The following GALNT13 variants were observed in gnomAD, a reference collection of about 807,000 sequenced individuals.
GALNT13 encodes the protein UDP-GalNAc:polypeptide N-acetylgalactosaminyltransferase 13.
Under a neutral mutation model 64.2 loss-of-function variants are expected in GALNT13, and 28 were observed. That is an observed-to-expected ratio of 0.44 (90% CI 0.32 to 0.60). The LOEUF (loss-of-function observed/expected upper bound fraction) is 0.60. Ranked by LOEUF, GALNT13 falls within the 20% of genes least tolerant of loss-of-function variation. GALNT13 has a pLI of 0.05. For missense variants in GALNT13, 577 were observed against 669.8 expected (o/e 0.86, Z 1.53); for synonymous variants, 214 against 224.6 (o/e 0.95, Z 0.42).
At chr2:154,149,405 G>A (rs1379599461) in intron 4 of GALNT13, among the ~76,000 whole-genome samples, 4 of 151,790 alleles carry the variant, frequency 2.6e-5, no homozygotes, top group African/African-American at 7.3e-5. Flanking sequence ...TGACTTGGTG[G>A]TGCGGGCTCT....
chr2:153,588,088 T>A, the GALNT13 span, among the ~76,000 whole-genome samples: 1 of 152,216 alleles, frequency 6.6e-6, no homozygotes, highest in Admixed American at 6.5e-5. Flanking sequence ...AAGATGGTTC[T>A]CATGGTCTTG....
chr2:153,491,185 T>C, the GALNT13 span, among the ~76,000 whole-genome samples: 1 of 152,084 alleles, frequency 6.6e-6, no homozygotes, highest in East Asian at 1.9e-4. Context: ...ACAATAATTA[T>C]TCTTTAACTC....
intron 8 of GALNT13, among the ~76,000 whole-genome samples, chr2:154,275,907 G>A (rs1015146651): frequency 2.3e-4 from 35 of 152,228 alleles, no homozygotes; most frequent in African/African-American, 6.0e-4. Flanking sequence ...TCTTGTATCA[G>A]TGTGACCTGG....
chr2:153,199,425 A>C, the GALNT13 span, among the ~76,000 whole-genome samples: 1 of 152,184 alleles, frequency 6.6e-6, no homozygotes, highest in East Asian at 1.9e-4. Context: ...GGTTGAGGCC[A>C]CATTGAGGAT....
the GALNT13 span, among the ~76,000 whole-genome samples, chr2:153,532,410 A>C: frequency 2.0e-5 from 3 of 152,234 alleles, no homozygotes; most frequent in Non-Finnish European, 4.4e-5. Flanking sequence ...TGGGCCTGAC[A>C]CAAAAGATCA....
chr2:153,597,540 A>G, the GALNT13 span, among the ~76,000 whole-genome samples: 1 of 152,134 alleles, frequency 6.6e-6, no homozygotes, highest in African/African-American at 2.4e-5. Flanking sequence ...TTAGAAGGAA[A>G]CAGAGGAGTA....
chr2:154,024,043 A>G (rs1369315648), intron 3 of GALNT13, among the ~76,000 whole-genome samples: 2 of 152,160 alleles, frequency 1.3e-5, no homozygotes, highest in Admixed American at 6.5e-5. Flanking sequence ...TCTGGCTTGT[A>G]GAGTTTCTGC....
chr2:153,827,520 G>A, the GALNT13 span, among the ~76,000 whole-genome samples: 14 of 151,922 alleles, frequency 9.2e-5, no homozygotes, highest in Non-Finnish European at 1.6e-4. Flanking sequence ...AGCTACTTGG[G>A]AGGCTGAGCG....
chr2:153,636,740 A>G, the GALNT13 span, among the ~76,000 whole-genome samples: 1 of 152,102 alleles, frequency 6.6e-6, no homozygotes, highest in Non-Finnish European at 1.5e-5. Flanking sequence ...AACCCTCTGA[A>G]ATAACATGTT....
intron 3 of GALNT13, among the ~76,000 whole-genome samples, chr2:154,079,372 A>G (rs1245207594): frequency 6.6e-6 from 1 of 151,664 alleles, no homozygotes; most frequent in African/African-American, 2.4e-5. Flanking sequence ...TCTAGACAGG[A>G]TATATTATGC....
the GALNT13 span, among the ~76,000 whole-genome samples, chr2:153,562,237 T>A: frequency 6.6e-6 from 1 of 152,154 alleles, no homozygotes; most frequent in Non-Finnish European, 1.5e-5. Flanking sequence ...AGGCCTGTGC[T>A]TTTTTCCTAA....
chr2:154,433,438 A>G (rs2105453598), intron 11 of GALNT13, among the ~76,000 whole-genome samples: 1 of 152,264 alleles, frequency 6.6e-6, no homozygotes, highest in South Asian at 2.1e-4. Flanking sequence ...GGAGTTATAC[A>G]AACCAGTTCA....
intron 2 of GALNT13, among the ~76,000 whole-genome samples, chr2:153,934,143 G>A (rs1690732722): frequency 6.6e-6 from 1 of 152,028 alleles, no homozygotes; most frequent in South Asian, 2.1e-4. Context: ...GCACAGTGTT[G>A]GCATTTATGT....
At chr2:153,557,779 T>C in the GALNT13 span, among the ~76,000 whole-genome samples, 31 of 152,302 alleles carry the variant, frequency 2.0e-4, no homozygotes, top group African/African-American at 7.0e-4. Flanking sequence ...CAGGTCTGCC[T>C]CATCCTCAAA....
the GALNT13 span, among the ~76,000 whole-genome samples, chr2:153,838,364 G>A: frequency 2.0e-4 from 30 of 151,712 alleles, no homozygotes; most frequent in Non-Finnish European, 3.2e-4. Flanking sequence ...ATTTCTTCTA[G>A]GATTTTTATG....
the GALNT13 span, among the ~76,000 whole-genome samples, chr2:153,734,569 C>T: frequency 2.6e-5 from 4 of 152,062 alleles, no homozygotes; most frequent in African/African-American, 4.8e-5. Context: ...TTGGTACAAA[C>T]GTAATTGCAG....
chr2:153,091,328 T>C, the GALNT13 span, among the ~76,000 whole-genome samples: 1 of 152,100 alleles, frequency 6.6e-6, no homozygotes, highest in Non-Finnish European at 1.5e-5. Flanking sequence ...TACTTTTATA[T>C]TTATCATGAC....
the GALNT13 span, among the ~76,000 whole-genome samples, chr2:153,356,965 C>G: frequency 1.3e-5 from 2 of 151,462 alleles, no homozygotes; most frequent in African/African-American, 4.9e-5. Context: ...GCCCAGCTAA[C>G]TTTTGTTTTG....
the GALNT13 span, among the ~76,000 whole-genome samples, chr2:153,554,332 T>A: frequency 6.6e-6 from 1 of 150,680 alleles, no homozygotes; most frequent in Non-Finnish European, 1.5e-5. Flanking sequence ...AGACTCTGTG[T>A]CAAAAACAAA....
Sources: gnomAD v4.1 joint callset for allele counts (sites outside exome capture counted in the v4.1 genomes callset) on GRCh38, gnomAD v4.1.1 for gene constraint, MANE v1.5 for transcripts, NCBI Gene and HGNC (gene_info 2026-07-23, HGNC 2026-07-21) for gene names.